MARCHF6: variants seen among roughly 807,000 people sequenced by gnomAD.
The protein encoded by MARCHF6 is membrane associated ring-CH-type finger 6.
In MARCHF6, 31 loss-of-function variants were observed where a neutral mutation model predicts 133.7. The ratio of observed to expected loss-of-function variants is 0.23; its 90% CI spans 0.17 to 0.31. The LOEUF (loss-of-function observed/expected upper bound fraction) is 0.31, where lower values mean the gene tolerates loss of function less well. Ranked by LOEUF, MARCHF6 falls within the 10% of genes least tolerant of loss-of-function variation. The pLI is 1.00. For missense variants in MARCHF6, 723 were observed against 1,121.6 expected, an observed-to-expected ratio of 0.64 and a Z score of 5.08; for synonymous variants, 395 against 402.5, an observed-to-expected ratio of 0.98 and a Z score of 0.22.
At chr5:10,391,464 T>TTTTTGTAGGCAAGATTTGGTTTTC in intron 6 of MARCHF6, 78 bp from the exon 7 acceptor site, 1 of 431,754 alleles carries the variant, frequency 2.3e-6, no homozygotes, top group Non-Finnish European at 4.0e-6. Flanking sequence ...TTTTTTTTTT[T>TTTTTGTAGGCAAGATTTGGTTTTC]AGCAGGAATA....
intron 1 of MARCHF6, among the ~76,000 whole-genome samples, chr5:10,368,811 A>T (rs1488085663): frequency 6.6e-6 from 1 of 152,138 alleles, no homozygotes; most frequent in Non-Finnish European, 1.5e-5. Flanking sequence ...GATCTCAAGC[A>T]GTCTGCCCAC....
intron 19 of MARCHF6, among the ~76,000 whole-genome samples, chr5:10,413,902 A>G (rs566647160): frequency 6.6e-6 from 1 of 152,362 alleles, no homozygotes; most frequent in East Asian, 1.9e-4. Flanking sequence ...TCAGCTTCTC[A>G]GTACAGGAGC....
rs759302735 is a variant in MARCHF6, at chr5:10,430,011, A to T, written c.2625A>T (p.Glu875Asp). 1 of 1,610,934 alleles carries T rather than the reference A, an allele frequency of 6.2e-7. No homozygotes were observed. Among genetic ancestry groups the T allele is most frequent in the African/African-American group, 1.3e-5 (1 of 74,896 alleles). Reference sequence around the variant, plus strand: ...TCCGCCAGTTTAAGCGCCTTTATGAACATATTAAAAATGACAAGTAAGTCT... The same window carrying T: ...TCCGCCAGTTTAAGCGCCTTTATGATCATATTAAAAATGACAAGTAAGTCT... ...FQVRQFKRLY[E>D]HIKNDKYLVG... The change falls in exon 25 of 26, where the codon GAA (glutamate) becomes GAT (aspartate). Residue 875 changes from glutamate (E) to aspartate (D), a missense_variant. This residue lies in a region of MARCHF6 where 492 missense variants were observed against 699.5 expected (regional missense o/e 0.70). Transcript: ENST00000274140.
chr5:10,383,226 C>G (rs1308097663), intron 4 of MARCHF6, among the ~76,000 whole-genome samples: 1 of 152,098 alleles, frequency 6.6e-6, no homozygotes, highest in Non-Finnish European at 1.5e-5. Flanking sequence ...CAGGATGAAA[C>G]TCAGAGGGAC....
intron 12 of MARCHF6, 64 bp downstream of exon 12, chr5:10,402,203 A>G: frequency 8.2e-7 from 1 of 1,216,754 alleles, no homozygotes; most frequent in South Asian, 1.3e-5. Flanking sequence ...ACTCTTCATT[A>G]ATGGCGAAAC....
intron 1 of MARCHF6, among the ~76,000 whole-genome samples, chr5:10,354,257 G>T (rs994163396): frequency 6.6e-6 from 1 of 152,178 alleles, no homozygotes; most frequent in African/African-American, 2.4e-5. Context: ...GCCGTCCGGG[G>T]GCGTTTTCCG....
At position 10,410,183 on chromosome 5, in the gene MARCHF6, A is replaced by G; in HGVS notation, c.1598A>G (p.Gln533Arg). 6.2e-7 allele frequency: 1 copy of G among 1,614,044 alleles called. No homozygotes were observed. Among genetic ancestry groups the G allele is most frequent in the Non-Finnish European group, 8.5e-7 (1 of 1,180,012 alleles). ...SELSLELLLL[Q>R]VVLPALLEQG... ...CTGTCCCTCGAGCTGCTTCTGCTTC[A>G]GGTTGTCTTGCCAGCATTACTCGAA... Residue 533 changes from glutamine to arginine, a missense_variant, in exon 18 of 26, where the codon CAG (glutamine) becomes CGG (arginine). This residue lies in a region of MARCHF6 where 492 missense variants were observed against 699.5 expected (regional missense o/e 0.70). Transcript: ENST00000274140.
At chr5:10,377,643 C>A (rs192725515) in intron 1 of MARCHF6, among the ~76,000 whole-genome samples, 155 bp from the exon 2 acceptor site, 1 of 152,300 alleles carries the variant, frequency 6.6e-6, no homozygotes, top group East Asian at 1.9e-4. Context: ...ACTTGAATAG[C>A]AACTTAATCA....
intron 22 of MARCHF6, among the ~76,000 whole-genome samples, chr5:10,418,926 A>G (rs1469240170): frequency 2.0e-5 from 3 of 152,186 alleles, no homozygotes; most frequent in Non-Finnish European, 4.4e-5. Context: ...AGTTTCAGGT[A>G]TGGTGTTCCA....
At chr5:10,377,937 T>C (rs1440200569) in intron 2 of MARCHF6, 43 bp downstream of exon 2, 1 of 1,151,180 alleles carries the variant, frequency 8.7e-7, no homozygotes, top group Non-Finnish European at 1.3e-6. Context: ...TGAGCTTCAG[T>C]TTCGTCATGT....
chr5:10,404,329 A>G (rs1738751582), intron 15 of MARCHF6, among the ~76,000 whole-genome samples: 1 of 152,218 alleles, frequency 6.6e-6, no homozygotes, highest in Middle Eastern at 3.4e-3. Context: ...TGGCCTCCCA[A>G]AGTGCTGGGA....
In MARCHF6 at chr5:10,394,736, G is replaced by A. The variant is rs765403373; in HGVS notation, c.829-17G>A. On this transcript the variant is annotated splice_polypyrimidine_tract_variant and intron_variant, in intron 8 of 25. Transcript: ENST00000274140. Reference sequence around the variant, plus strand: ...GTTGCATCTTAAATTAATGCTTATCGTTTTTGTTTATTTTAGATGCTAGGA... The same window carrying A: ...GTTGCATCTTAAATTAATGCTTATCATTTTTGTTTATTTTAGATGCTAGGA... 5.1e-6 allele frequency: 8 copies of A among 1,569,540 alleles called. No homozygotes were observed. The highest frequency in any genetic ancestry group is 3.4e-4 in the Middle Eastern group (2 of 5,936).
intron 24 of MARCHF6, among the ~76,000 whole-genome samples, chr5:10,428,559 C>G (rs1303001778): frequency 2.0e-5 from 3 of 152,064 alleles, no homozygotes; most frequent in Non-Finnish European, 4.4e-5. Flanking sequence ...CCAGGCTGGT[C>G]TTGAACTTCT....
chr5:10,358,065 T>C (rs1735589184), intron 1 of MARCHF6, among the ~76,000 whole-genome samples: 2 of 149,638 alleles, frequency 1.3e-5, no homozygotes, highest in South Asian at 4.3e-4. Flanking sequence ...GTTTTAAATA[T>C]AGCAGTAAAG....
intron 3 of MARCHF6, 35 bp downstream of exon 3, chr5:10,378,867 T>C (rs1736947773): frequency 7.0e-7 from 1 of 1,427,668 alleles, no homozygotes; most frequent in African/African-American, 1.4e-5. Flanking sequence ...GCATTTTTTT[T>C]GGTTATCACT....
At position 10,435,893 on chromosome 5, in the gene MARCHF6, T is replaced by C. The variant is rs1436432091; in HGVS notation, c.*2209T>C. The C allele has an allele frequency of 3.3e-5, 5 of 149,390 alleles. No individual in the cohort carries two copies. Among genetic ancestry groups the C allele is most frequent in the Admixed American group, 3.3e-4 (5 of 14,978 alleles). 9.3% of individuals were successfully genotyped at this position (149,390 alleles called of 1,614,324 possible). A position where few individuals can be genotyped will look rare whatever the true frequency, so the allele number is the denominator to read the frequency against. ...CACCACACCTGGCTTATTTTAGTTA[T>C]TTTAGTAGAGATAGGGTTTCACCAT... On this transcript the variant is annotated 3_prime_UTR_variant, in exon 26 of 26. Coordinates refer to ENST00000274140, the MANE Select transcript of MARCHF6 (RefSeq NM_005885.4).
chr5:10,407,953 T>TCCCCC lies in MARCHF6; in HGVS notation c.1553+759_1553+763dup, dbSNP rs11349150. On this transcript the variant is annotated intron_variant, in intron 17 of 25. Coordinates refer to ENST00000274140, the MANE Select transcript of MARCHF6 (RefSeq NM_005885.4). ...CTTGGGCAACAAGAGTGAAACTGCA[T>TCCCCC]CCCCCCCCCCCCAAAAAAAAAAGCC... Among the ~76,000 whole-genome samples the TCCCCC allele has an allele frequency of 1.5e-4, 12 of 81,906 alleles. 1 individual carries two copies. Among genetic ancestry groups the TCCCCC allele is most frequent in the African/African-American group, 5.9e-4 (11 of 18,504 alleles). The allele number at this position is 81,906 out of a possible 152,430, so 53.7% of individuals were successfully genotyped here.
At position 10,417,330 on chromosome 5, in the gene MARCHF6, C is replaced by T. The variant is rs773024205; in HGVS notation, c.2209C>T (p.Leu737Phe). The change falls in exon 22 of 26, where the codon CTC becomes TTC. Residue 737 changes from leucine to phenylalanine, a missense_variant. Around this residue, in one of 4 missense-constraint regions of MARCHF6, gnomAD observed 492 missense variants for 699.5 expected, o/e 0.70. Coordinates refer to ENST00000274140, the MANE Select transcript of MARCHF6 (RefSeq NM_005885.4). ...TGGAGTTGTCCCTCTCCTTCTGGGG[C>T]TCCTGTTTGAGCTGGTCATTGTGGC... ...LAGVVPLLLG[L>F]LFELVIVAPL... 2 of 1,614,148 alleles carry T rather than the reference C, an allele frequency of 1.2e-6. No individual in the cohort carries two copies. Among genetic ancestry groups the T allele is most frequent in the Non-Finnish European group, 1.7e-6 (2 of 1,180,024 alleles).
chr5:10,411,385 A>T lies in MARCHF6; in HGVS notation c.1744A>T (p.Asn582Tyr). Reference sequence around the variant, plus strand: ...CCAGGAAGAAAATGAAAACAGTGCAAATCAACAAGTTAACAATAATCAGCA... The same window carrying T: ...CCAGGAAGAAAATGAAAACAGTGCATATCAACAAGTTAACAATAATCAGCA... ...GDQEENENSA[N>Y]QQVNNNQHAR... Residue 582 changes from asparagine (N) to tyrosine (Y), a missense_variant, in exon 19 of 26, where the codon AAT becomes TAT. Coordinates refer to ENST00000274140, the MANE Select transcript of MARCHF6 (RefSeq NM_005885.4). 6.2e-7 allele frequency: 1 copy of T among 1,614,214 alleles called. No homozygotes were observed. Among genetic ancestry groups the T allele is most frequent in the East Asian group, 2.2e-5 (1 of 44,886 alleles).
Sources: allele counts gnomAD v4.1 joint callset (sites outside exome capture counted in the v4.1 genomes callset), GRCh38; gene constraint gnomAD v4.1.1; regional missense constraint gnomAD v4.1.1; transcripts MANE v1.5; gene names NCBI Gene and HGNC (gene_info 2026-07-23, HGNC 2026-07-21).